HENMT1: variants seen among roughly 807,000 people sequenced by gnomAD.
HENMT1 encodes the protein HEN methyltransferase 1.
In HENMT1, 27 loss-of-function variants were observed where a neutral mutation model predicts 31.1. That is an observed-to-expected ratio of 0.87 (90% confidence interval 0.64 to 1.20). The LOEUF (loss-of-function observed/expected upper bound fraction) is 1.20, where lower values mean the gene tolerates loss of function less well. HENMT1 is among the 50% of genes most tolerant of loss of function. The probability of loss-of-function intolerance (pLI) is 0.00; values close to 1 mark genes in which losing one functional copy is unlikely to be tolerated. For missense variants in HENMT1, 438 were observed against 469.6 expected, an observed-to-expected ratio of 0.93 and a Z score of 0.62; for synonymous variants, 167 against 172.2, an observed-to-expected ratio of 0.97 and a Z score of 0.24.
At chr1:108,654,685 C>G in intron 5 of HENMT1, 31 bp downstream of exon 5, 1 of 1,600,330 alleles carries the variant, frequency 6.2e-7, no homozygotes, top group South Asian at 1.1e-5. Flanking sequence ...TTCAAATGAA[C>G]AGTTATACAG....
intron 2 of HENMT1, among the ~76,000 whole-genome samples, chr1:108,657,886 G>C (rs148760856): frequency 6.6e-5 from 10 of 151,886 alleles, no homozygotes; most frequent in Non-Finnish European, 1.5e-4. Context: ...CTAACCATAA[G>C]GGACCTTTTG....
chr1:108,658,070 TACACACACACACAC>T (rs139208659), intron 2 of HENMT1, among the ~76,000 whole-genome samples: 1 of 140,062 alleles, frequency 7.1e-6, no homozygotes, highest in Non-Finnish European at 1.6e-5. Flanking sequence ...CATATATATG[TACACACACACACAC>T]ACACACACAC....
At chr1:108,649,461 C>CA (rs1005869044) in intron 7 of HENMT1, 21 of 436,794 alleles carry the variant, frequency 4.8e-5, no homozygotes, top group Admixed American at 1.6e-4. Flanking sequence ...AAAAACAAAA[C>CA]AAAAAAAAGC....
chr1:108,649,369 G>T, intron 7 of HENMT1: 1 of 460,086 alleles, frequency 2.2e-6, no homozygotes, highest in Non-Finnish European at 4.4e-6. Flanking sequence ...AGGAAGATGG[G>T]GCAGGAGGAT....
intron 1 of HENMT1, among the ~76,000 whole-genome samples, chr1:108,660,653 G>C (rs1658426082): frequency 6.6e-6 from 1 of 152,112 alleles, no homozygotes; most frequent in Non-Finnish European, 1.5e-5. Context: ...GGCCGGGCGC[G>C]GTGGCTCACG....
intron 3 of HENMT1, 148 bp from the exon 4 acceptor site, chr1:108,655,846 GCTAC>G: frequency 3.1e-5 from 9 of 286,690 alleles, no homozygotes; most frequent in East Asian, 6.1e-5. Flanking sequence ...GGCAGAAGAT[GCTAC>G]ACACACACAC....
intron 3 of HENMT1, 43 bp downstream of exon 3, chr1:108,657,400 GACTAGTCT>G (rs1280284314): frequency 7.4e-7 from 1 of 1,358,358 alleles, no homozygotes. Context: ...CACCTCATAT[GACTAGTCT>G]ACTAGTCTTA....
chr1:108,661,091 C>T lies in HENMT1; in HGVS notation c.-207G>A, dbSNP rs556837545. The T allele has an allele frequency of 2.8e-4, 205 of 723,620 alleles. No homozygotes were observed. In the African/African-American group the frequency reaches 3.7e-3, roughly 13 times the overall value. 44.8% of individuals were successfully genotyped at this position (723,620 alleles called of 1,614,324 possible). A position where few individuals can be genotyped will look rare whatever the true frequency, so the allele number is the denominator to read the frequency against. On this transcript the variant is annotated 5_prime_UTR_variant, in exon 1 of 8. Coordinates refer to ENST00000651461, the MANE Select transcript of HENMT1 (RefSeq NM_001102592.2). ...TCCTCAACTCAGCGCCGCCCTGACG[C>T]CCGCGCACGCACGGCCTCGCTGCGT... is the stretch of plus-strand genomic sequence containing the variant.
intron 1 of HENMT1, among the ~76,000 whole-genome samples, chr1:108,660,479 A>C (rs946824300): frequency 9.2e-5 from 14 of 152,138 alleles, no homozygotes; most frequent in Non-Finnish European, 2.1e-4. Flanking sequence ...TCGAGGGGGA[A>C]AAAAAGTGTC....
At chr1:108,652,923 AAC>A (rs534091361) in intron 5 of HENMT1, among the ~76,000 whole-genome samples, 301 of 151,558 alleles carry the variant, frequency 2.0e-3, no homozygotes, top group African/African-American at 7.1e-3. Context: ...CAGCCCAGGC[AAC>A]AGTGTTTCTA....
Position 108,648,831 on chromosome 1 carries a change from C to A in HENMT1, c.917G>T (p.Gly306Val). 6.2e-7 allele frequency: 1 copy of A among 1,614,190 alleles called. No homozygotes were observed. The highest frequency in any genetic ancestry group is 8.5e-7 in the Non-Finnish European group (1 of 1,180,032). ...ERGDKPKDIG[G>V]SKAPVPCFGP... ...AAAGCATGGGACAGGGGCCTTTGAGCCACCAATGTCTTTGGGCTTATCACC... is the reference window on the plus strand; with the variant it reads ...AAAGCATGGGACAGGGGCCTTTGAGACACCAATGTCTTTGGGCTTATCACC... Residue 306 changes from glycine to valine, a missense_variant, in exon 8 of 8, where the codon GGC (glycine) becomes GTC (valine). Coordinates refer to ENST00000651461, the MANE Select transcript of HENMT1 (RefSeq NM_001102592.2).
chr1:108,660,001 TGAAA>T lies in HENMT1; in HGVS notation c.-78-43_-78-40del, dbSNP rs138729310. ...AAAACCGTTTTTGTAAAGCGATACC[TGAAA>T]GAAATAGCTGCCTAGTTCAGAAGGG... On this transcript the variant is annotated intron_variant, in intron 1 of 7. Coordinates refer to ENST00000651461, the MANE Select transcript of HENMT1 (RefSeq NM_001102592.2). 263 of 1,125,042 alleles carry T rather than the reference TGAAA, an allele frequency of 2.3e-4. 5 individuals carry two copies. In the East Asian group the frequency reaches 6.9e-3, roughly 30 times the overall value. The allele number at this position is 1,125,042 out of a possible 1,614,324, so 69.7% of individuals were successfully genotyped here. A position where few individuals can be genotyped will look rare whatever the true frequency, so the allele number is the denominator to read the frequency against.
chr1:108,649,705 A>G (rs1657991816), intron 7 of HENMT1, among the ~76,000 whole-genome samples: 1 of 152,216 alleles, frequency 6.6e-6, no homozygotes, highest in Non-Finnish European at 1.5e-5. Flanking sequence ...TGTAGGCTCA[A>G]AGAGTAATGT....
At chr1:108,651,766 G>GGGGAA (rs1658064628) in intron 5 of HENMT1, among the ~76,000 whole-genome samples, 1 of 151,396 alleles carries the variant, frequency 6.6e-6, no homozygotes, top group Non-Finnish European at 1.5e-5. Context: ...GGGGAGGGGA[G>GGGGAA]GGGGAAAAAG....
rs1178028567 is a variant in HENMT1 at position 108,651,038 on chromosome 1, A to C, written c.570T>G (p.Phe190Leu). The change falls in exon 6 of 8, where the codon TTT becomes TTG. Residue 190 changes from phenylalanine (F) to leucine (L), a missense_variant. Physicochemically the swap from Phe to Leu is conservative, Grantham distance 22. Transcript: ENST00000651461. Reference protein sequence around the residue: ...DHKFEWTRMEFQTWALYVANR... With the variant: ...DHKFEWTRMELQTWALYVANR... ...AACCCTTCTGAACTTACCAGGTCTG[A>C]AACTCCATTCTGGTCCACTCAAATT... 6.2e-7 allele frequency: 1 copy of C among 1,612,390 alleles called. No individual in the cohort carries two copies. Among genetic ancestry groups the C allele is most frequent in the Admixed American group, 1.7e-5 (1 of 59,852 alleles).
chr1:108,660,502 G>A (rs1658419826), intron 1 of HENMT1, among the ~76,000 whole-genome samples: 2 of 152,268 alleles, frequency 1.3e-5, no homozygotes, highest in South Asian at 4.1e-4. Context: ...TGATAAACTA[G>A]AGATGCTCCA....
chr1:108,659,794 A>AATT (rs1444628852), intron 2 of HENMT1, 70 bp downstream of exon 2: 18 of 1,016,204 alleles, frequency 1.8e-5, no homozygotes, highest in Non-Finnish European at 2.6e-5. Context: ...TTTTGTTTGC[A>AATT]ATTATCTCAC....
In HENMT1 at chr1:108,651,023, A is replaced by C; in HGVS notation, c.578+7T>G. On this transcript the variant is annotated splice_region_variant and intron_variant, in intron 6 of 7. Transcript: ENST00000651461. ...TCCCAAATAAACAAAAACCCTTCTG[A>C]ACTTACCAGGTCTGAAACTCCATTC... 6.2e-7 allele frequency: 1 copy of C among 1,606,936 alleles called. No individual in the cohort carries two copies. The highest frequency in any genetic ancestry group is 2.2e-5 in the East Asian group (1 of 44,814).
intron 1 of HENMT1, among the ~76,000 whole-genome samples, 169 bp from the exon 2 acceptor site, chr1:108,660,131 A>AAAAC (rs1553184070): frequency 0.014 from 2,190 of 151,480 alleles, 68 homozygotes; most frequent in African/African-American, 0.051. Context: ...CAAAAAAAAA[A>AAAAC]AAAAAAACAC....
Sources: gnomAD v4.1 joint callset for allele counts (sites outside exome capture counted in the v4.1 genomes callset) on GRCh38, gnomAD v4.1.1 for gene constraint, MANE v1.5 for transcripts, NCBI Gene and HGNC (gene_info 2026-07-23, HGNC 2026-07-21) for gene names.